Variants in CCDC73 observed in about 807,000 individuals in gnomAD.
CCDC73 encodes coiled-coil domain containing 73.
Under a neutral mutation model 116.5 loss-of-function variants are expected in CCDC73, and 95 were observed. The observed-to-expected ratio is 0.82, with a 90% confidence interval of 0.69 to 0.97. The LOEUF (loss-of-function observed/expected upper bound fraction) is 0.97, where lower values mean the gene tolerates loss of function less well. CCDC73 is among the 50% of genes least tolerant of loss of function. The pLI is 0.00. For synonymous variants in CCDC73, 398 were observed against 401.3 expected, an observed-to-expected ratio of 0.99 and a Z score of 0.10; for missense variants, 1,066 against 1,206.8, an observed-to-expected ratio of 0.88 and a Z score of 1.73.
intron 3 of CCDC73, among the ~76,000 whole-genome samples, chr11:32,710,936 C>T (rs977854661): frequency 6.6e-6 from 1 of 152,098 alleles, no homozygotes; most frequent in Admixed American, 6.6e-5. Flanking sequence ...TAACAGACAA[C>T]CCACAGAGTG....
intron 2 of CCDC73, among the ~76,000 whole-genome samples, chr11:32,732,055 G>T (rs1850083811): frequency 6.6e-6 from 1 of 152,188 alleles, no homozygotes; most frequent in Admixed American, 6.5e-5. Context: ...ACAATAGACA[G>T]CACAGAGAAG....
At chr11:32,752,489 C>T (rs1312519805) in intron 2 of CCDC73, among the ~76,000 whole-genome samples, 1 of 152,164 alleles carries the variant, frequency 6.6e-6, no homozygotes, top group Non-Finnish European at 1.5e-5. Flanking sequence ...AACTGAATTT[C>T]TATCCATTAT....
intron 14 of CCDC73, among the ~76,000 whole-genome samples, chr11:32,624,377 G>A (rs1855550285): frequency 6.6e-6 from 1 of 151,666 alleles, no homozygotes; most frequent in African/African-American, 2.4e-5. Flanking sequence ...AATTATAAGT[G>A]AGAAAGCTCT....
At chr11:32,723,989 C>G (rs903441648) in intron 2 of CCDC73, among the ~76,000 whole-genome samples, 2 of 152,036 alleles carry the variant, frequency 1.3e-5, no homozygotes, top group African/African-American at 4.8e-5. Flanking sequence ...AAATCCTACT[C>G]TAGTACAAAT....
chr11:32,667,658 C>T (rs1294909329), intron 9 of CCDC73, among the ~76,000 whole-genome samples: 3 of 152,186 alleles, frequency 2.0e-5, no homozygotes, highest in Non-Finnish European at 1.5e-5. Flanking sequence ...TGGTGGGCTA[C>T]ACCCACTGCT....
intron 1 of CCDC73, 184 bp downstream of exon 1, chr11:32,794,429 G>A (rs17251664): frequency 0.16 from 23,832 of 152,252 alleles, 1,992 homozygotes; most frequent in South Asian, 0.27. Flanking sequence ...GAGCGTGGAA[G>A]ATTCTAGACA....
At chr11:32,795,000 T>G (rs1231705905), upstream of CCDC73, among the ~76,000 whole-genome samples, 2 of 151,678 alleles carry the variant, frequency 1.3e-5, no homozygotes, top group Non-Finnish European at 2.9e-5. Context: ...GATATATTCG[T>G]TTTTTAAAAA....
At chr11:32,694,944 C>G (rs941473294) in intron 6 of CCDC73, among the ~76,000 whole-genome samples, 2 of 152,146 alleles carry the variant, frequency 1.3e-5, no homozygotes, top group Admixed American at 6.5e-5. Context: ...AGGGGGCTAC[C>G]AAGGCTGGGA....
intron 2 of CCDC73, among the ~76,000 whole-genome samples, chr11:32,755,583 A>ATG (rs1410095642): frequency 5.9e-5 from 6 of 102,250 alleles, no homozygotes; most frequent in Non-Finnish European, 1.2e-4. Context: ...ATCCATATAT[A>ATG]TGTGTGTATA....
intron 2 of CCDC73, among the ~76,000 whole-genome samples, chr11:32,750,938 T>C (rs1438700323): frequency 6.6e-6 from 1 of 152,172 alleles, no homozygotes; most frequent in Admixed American, 6.5e-5. Context: ...GAAGCCAGCA[T>C]GTCTGAGTCT....
the CCDC73 span, among the ~76,000 whole-genome samples, chr11:32,812,895 T>G: frequency 6.6e-6 from 1 of 152,114 alleles, no homozygotes; most frequent in Non-Finnish European, 1.5e-5. Context: ...AATCTTTCAC[T>G]TATGAATGTA....
intron 6 of CCDC73, among the ~76,000 whole-genome samples, chr11:32,694,647 T>G (rs184510180): frequency 6.6e-6 from 1 of 152,222 alleles, no homozygotes; most frequent in East Asian, 1.9e-4. Flanking sequence ...ATTAAATACG[T>G]ATGAATGACA....
chr11:32,611,086 AATT>A (rs1855417650), intron 17 of CCDC73, 43 bp downstream of exon 17: 11 of 1,598,368 alleles, frequency 6.9e-6, no homozygotes, highest in Non-Finnish European at 9.4e-6. Flanking sequence ...ATATCTGTAG[AATT>A]AGCTCACTAA....
intron 14 of CCDC73, among the ~76,000 whole-genome samples, chr11:32,623,836 T>A (rs893335295): frequency 6.6e-6 from 1 of 152,234 alleles, no homozygotes; most frequent in Non-Finnish European, 1.5e-5. Flanking sequence ...GGCTTAAGCA[T>A]GTTTAATTGC....
At chr11:32,625,038 CTTCT>C (rs746744354) in intron 14 of CCDC73, among the ~76,000 whole-genome samples, 20 of 152,140 alleles carry the variant, frequency 1.3e-4, no homozygotes, top group Non-Finnish European at 2.5e-4. Context: ...ATGTAATGGC[CTTCT>C]TTGTCTGTTT....
intron 1 of CCDC73, among the ~76,000 whole-genome samples, chr11:32,762,743 T>C (rs999596823): frequency 6.6e-6 from 1 of 152,074 alleles, no homozygotes; most frequent in Non-Finnish European, 1.5e-5. Context: ...TTCATCTCAC[T>C]GGGGCATGTC....
chr11:32,691,050 T>C (rs1485465711), intron 6 of CCDC73, among the ~76,000 whole-genome samples: 1 of 151,598 alleles, frequency 6.6e-6, no homozygotes, highest in Non-Finnish European at 1.5e-5. Context: ...GCAACCACTT[T>C]TTTTTTTTTT....
intron 9 of CCDC73, 22 bp from the exon 10 acceptor site, chr11:32,654,994 C>T (rs1590571571): frequency 1.3e-6 from 2 of 1,573,226 alleles, no homozygotes; most frequent in African/African-American, 2.8e-5. Flanking sequence ...ACATATCAAA[C>T]AGAAAATTCA....
the CCDC73 span, chr11:32,830,536 A>C: frequency 1.3e-6 from 2 of 1,574,274 alleles, no homozygotes; most frequent in Non-Finnish European, 1.7e-6. Flanking sequence ...GACTATGTTT[A>C]CGCTTCTGGT....
Sources: gnomAD v4.1 joint callset for allele counts (sites outside exome capture counted in the v4.1 genomes callset) on GRCh38, gnomAD v4.1.1 for gene constraint, MANE v1.5 for transcripts, NCBI Gene and HGNC (gene_info 2026-07-23, HGNC 2026-07-21) for gene names.